ROBO1: variants seen among roughly 807,000 people sequenced by gnomAD.
ROBO1 encodes the protein roundabout homolog 1.
A neutral mutation model predicts 195.9 loss-of-function variants in ROBO1; 149 were observed. The ratio of observed to expected loss-of-function variants is 0.76; its 90% CI spans 0.67 to 0.87. The LOEUF is 0.87. Among genes scored for constraint, ROBO1 ranks in the 40% least tolerant of loss-of-function variants. The pLI is 0.00. For synonymous variants in ROBO1, 816 were observed against 733.2 expected (o/e 1.11, Z -1.82); for missense variants, 1,933 against 2,068.3 (o/e 0.93, Z 1.27).
At chr3:78,906,559 T>C (rs998494555) in intron 4 of ROBO1, among the ~76,000 whole-genome samples, 2 of 152,132 alleles carry the variant, frequency 1.3e-5, no homozygotes, top group African/African-American at 2.4e-5. Context: ...GCAACTCTCC[T>C]GGACCAAATA....
intron 2 of ROBO1, among the ~76,000 whole-genome samples, chr3:79,416,448 A>G (rs1241911352): frequency 6.6e-6 from 1 of 151,430 alleles, no homozygotes; most frequent in Admixed American, 6.6e-5. Flanking sequence ...TAAAAAAAAA[A>G]AAAGAAACAA....
chr3:78,775,349 A>G (rs2083478076), intron 4 of ROBO1, among the ~76,000 whole-genome samples: 1 of 152,210 alleles, frequency 6.6e-6, no homozygotes, highest in South Asian at 2.1e-4. Context: ...AAAATAGGAA[A>G]ATGTGCTTTT....
At chr3:79,532,822 C>A (rs73116833) in intron 2 of ROBO1, among the ~76,000 whole-genome samples, 3,234 of 152,178 alleles carry the variant, frequency 0.021, 57 homozygotes, top group Non-Finnish European at 0.035. Flanking sequence ...AACAGAGAGG[C>A]CTCCTAGTTT....
At chr3:78,712,027 A>C (rs143520730) in intron 8 of ROBO1, among the ~76,000 whole-genome samples, 26,491 of 140,556 alleles carry the variant, frequency 0.19, 4,041 homozygotes, top group Non-Finnish European at 0.26. Context: ...CAAAAAAAAA[A>C]AAAAAAAAAA....
At chr3:79,763,725 T>C (rs144882588) in intron 1 of ROBO1, among the ~76,000 whole-genome samples, 1 of 152,190 alleles carries the variant, frequency 6.6e-6, no homozygotes, top group East Asian at 1.9e-4. Context: ...GGGTGGCAGA[T>C]AGGGGTGGGG....
chr3:79,271,819 GT>G (rs2030586942), intron 2 of ROBO1, among the ~76,000 whole-genome samples: 1 of 152,026 alleles, frequency 6.6e-6, no homozygotes, highest in South Asian at 2.1e-4. Flanking sequence ...GGTTTGGTAA[GT>G]GAATGAATGA....
chr3:79,360,336 T>C (rs2109301542), intron 2 of ROBO1, among the ~76,000 whole-genome samples: 1 of 152,146 alleles, frequency 6.6e-6, no homozygotes, highest in African/African-American at 2.4e-5. Context: ...CTCTTAACTA[T>C]CCGTGAATAA....
chr3:79,575,271 CAA>C (rs1392390102), intron 2 of ROBO1, among the ~76,000 whole-genome samples: 1 of 103,122 alleles, frequency 9.7e-6, no homozygotes, highest in Non-Finnish European at 1.9e-5. Context: ...ATATATATAA[CAA>C]ATATATATAT....
chr3:78,739,714 G>C (rs1273251022), intron 5 of ROBO1, among the ~76,000 whole-genome samples: 3 of 152,012 alleles, frequency 2.0e-5, no homozygotes, highest in Non-Finnish European at 4.4e-5. Flanking sequence ...AAAAACCTTT[G>C]TTATGTTATA....
intron 2 of ROBO1, among the ~76,000 whole-genome samples, chr3:79,376,330 T>C (rs2036381548): frequency 6.6e-6 from 1 of 152,198 alleles, no homozygotes; most frequent in South Asian, 2.1e-4. Context: ...CTTTGTCCCT[T>C]AAGATCTTTC....
At chr3:79,717,356 CTT>C (rs1041247286) in intron 1 of ROBO1, among the ~76,000 whole-genome samples, 5 of 151,994 alleles carry the variant, frequency 3.3e-5, no homozygotes, top group African/African-American at 1.2e-4. Flanking sequence ...AGAACATACA[CTT>C]TTATTTCTGC....
At chr3:79,442,033 GA>G (rs200347541) in intron 2 of ROBO1, among the ~76,000 whole-genome samples, 1,674 of 149,836 alleles carry the variant, frequency 0.011, 30 homozygotes, top group African/African-American at 0.038. Context: ...TCCAAGAAAG[GA>G]AAAAAAAAGT....
chr3:78,863,729 G>A (rs759465770), intron 4 of ROBO1, among the ~76,000 whole-genome samples: 7 of 152,166 alleles, frequency 4.6e-5, no homozygotes, highest in Non-Finnish European at 8.8e-5. Flanking sequence ...AGGGAAATAT[G>A]CCAAAATATA....
intron 1 of ROBO1, among the ~76,000 whole-genome samples, chr3:79,760,711 GT>G (rs1704654354): frequency 8.5e-6 from 1 of 117,636 alleles, no homozygotes; most frequent in African/African-American, 3.1e-5. Context: ...ATTACAAAAT[GT>G]GACATTATTA....
intron 3 of ROBO1, among the ~76,000 whole-genome samples, chr3:79,056,617 C>T (rs528483019): frequency 7.0e-4 from 107 of 152,212 alleles, no homozygotes; most frequent in African/African-American, 2.1e-3. Context: ...CCAACCTATG[C>T]GCTGTCTAAC....
chr3:79,281,631 A>G (rs1287161185), intron 2 of ROBO1, among the ~76,000 whole-genome samples: 5 of 152,176 alleles, frequency 3.3e-5, no homozygotes, highest in African/African-American at 7.2e-5. Flanking sequence ...TAGTCAGTAA[A>G]TCAGGAATAT....
At chr3:79,760,883 C>A (rs972557484) in intron 1 of ROBO1, among the ~76,000 whole-genome samples, 74 of 151,566 alleles carry the variant, frequency 4.9e-4, no homozygotes, top group Middle Eastern at 6.8e-3. Flanking sequence ...AGAAGAAACA[C>A]ATTACACGTC....
intron 2 of ROBO1, among the ~76,000 whole-genome samples, chr3:79,554,162 A>G (rs181557574): frequency 6.6e-5 from 10 of 152,118 alleles, no homozygotes; most frequent in African/African-American, 2.4e-4. Context: ...CTTAATATAT[A>G]CATTTATTTT....
At chr3:78,739,725 G>A (rs2082478109) in intron 5 of ROBO1, among the ~76,000 whole-genome samples, 1 of 152,010 alleles carries the variant, frequency 6.6e-6, no homozygotes, top group Non-Finnish European at 1.5e-5. Context: ...TTATGTTATA[G>A]ATTTCAATAC....
Sources: allele counts gnomAD v4.1 joint callset (sites outside exome capture counted in the v4.1 genomes callset), GRCh38; gene constraint gnomAD v4.1.1; transcripts MANE v1.5; gene names NCBI Gene and HGNC (gene_info 2026-07-23, HGNC 2026-07-21).